Variants in KIF25 observed in about 807,000 individuals in gnomAD.
The protein encoded by KIF25 is kinesin family member 25, also known as kinesin-like protein KIF25.
Under a neutral mutation model 32.9 loss-of-function variants are expected in KIF25, and 19 were observed. The ratio of observed to expected loss-of-function variants is 0.58; its 90% CI spans 0.40 to 0.85. The LOEUF (loss-of-function observed/expected upper bound fraction) is 0.85, where lower values mean the gene tolerates loss of function less well. KIF25 is among the 40% of genes least tolerant of loss of function. The pLI, the probability that KIF25 is intolerant of heterozygous loss-of-function variation, is 0.00. For synonymous variants in KIF25, 225 were observed against 213.7 expected, an observed-to-expected ratio of 1.05 and a Z score of -0.46; for missense variants, 485 against 507.0, an observed-to-expected ratio of 0.96 and a Z score of 0.42.
intron 5 of KIF25, among the ~76,000 whole-genome samples, chr6:168,019,616 C>T (rs186308792): frequency 8.5e-4 from 129 of 152,230 alleles, no homozygotes; most frequent in South Asian, 6.0e-3. Context: ...GCTGGGCTGA[C>T]GCAAGCCCCA....
At chr6:168,038,018 A>G (rs1336771372) in intron 8 of KIF25, among the ~76,000 whole-genome samples, 1 of 152,168 alleles carries the variant, frequency 6.6e-6, no homozygotes, top group African/African-American at 2.4e-5. Flanking sequence ...CTGGCTGTGC[A>G]GCTGCTTTTT....
Position 167,997,779 on chromosome 6 carries a change from G to A in KIF25, c.-1690G>A, listed in dbSNP as rs1045923329. On this transcript the variant is annotated 5_prime_UTR_variant, in exon 1 of 13. It adds an upstream start codon to the 5' untranslated region. Coordinates refer to ENST00000643607, the MANE Select transcript of KIF25 (RefSeq NM_030615.4). ...CGAGGATGCCAAGGTGGATGATTGA[G>A]TGGGTGACCCTCGCTTCTGTGAGGT... is the stretch of plus-strand genomic sequence containing the variant. Among the ~76,000 whole-genome samples, 1 of 152,134 alleles carries A rather than the reference G, an allele frequency of 6.6e-6. No individual in the cohort carries two copies. Among genetic ancestry groups the A allele is most frequent in the African/African-American group, 2.4e-5 (1 of 41,390 alleles).
chr6:168,000,259 C>G (rs921877833), intron 2 of KIF25, among the ~76,000 whole-genome samples: 1 of 130,610 alleles, frequency 7.7e-6, no homozygotes, highest in Non-Finnish European at 1.6e-5. Flanking sequence ...CACGCCTGAC[C>G]TTCTCGCCCT....
intron 5 of KIF25, among the ~76,000 whole-genome samples, chr6:168,022,715 T>C (rs1798803383): frequency 6.6e-6 from 1 of 152,166 alleles, no homozygotes; most frequent in Non-Finnish European, 1.5e-5. Context: ...TTTATAAGTT[T>C]TTACTGCGAA....
At chr6:168,025,833 G>A (rs1250150281) in intron 5 of KIF25, among the ~76,000 whole-genome samples, 1 of 152,226 alleles carries the variant, frequency 6.6e-6, no homozygotes, top group Non-Finnish European at 1.5e-5. Flanking sequence ...TTACACACAG[G>A]CTGTGGGTAT....
intron 2 of KIF25, among the ~76,000 whole-genome samples, chr6:168,002,134 TGAGAAGACACCTGAGGCGTGGCCTC>T (rs1798515185): frequency 2.7e-5 from 1 of 36,684 alleles, no homozygotes; most frequent in African/African-American, 1.3e-4. Context: ...CTCGGGCAGG[TGAGAAGACACCTGAGGCGTGGCCTC>T]GGGCAGGTGA....
intron 6 of KIF25, 197 bp from the exon 7 acceptor site, chr6:168,030,576 A>C (rs1798927014): frequency 7.8e-6 from 3 of 385,972 alleles, no homozygotes; most frequent in Non-Finnish European, 1.4e-5. Flanking sequence ...TTTTCATAGC[A>C]GAAAGTACTA....
At position 168,033,927 on chromosome 6, in the gene KIF25, G is replaced by A; in HGVS notation, c.213G>A (p.Lys71=). The A allele has an allele frequency of 6.2e-7, 1 of 1,614,212 alleles. No homozygotes were observed. Among genetic ancestry groups the A allele is most frequent in the South Asian group, 1.1e-5 (1 of 91,082 alleles). The part of the protein sequence containing the change: ...VMAYGQTGSG[K]SYTMLGRHSD... ...CGTATGGACAGACGGGCAGCGGAAA[G>A]AGCTATACCATGCTGGGACGCCATT... is the stretch of plus-strand genomic sequence containing the variant. Residue 71 remains lysine, a synonymous_variant, in exon 8 of 13, where the codon AAG becomes AAA. Coordinates refer to ENST00000643607, the MANE Select transcript of KIF25 (RefSeq NM_030615.4).
chr6:168,013,593 C>T (rs567721058), intron 4 of KIF25, among the ~76,000 whole-genome samples: 26 of 152,262 alleles, frequency 1.7e-4, no homozygotes, highest in African/African-American at 6.0e-4. Context: ...GGCCATGGAG[C>T]TGTGTCGTGA....
At chr6:168,013,812 C>A (rs1798680030) in intron 4 of KIF25, among the ~76,000 whole-genome samples, 1 of 152,130 alleles carries the variant, frequency 6.6e-6, no homozygotes, top group Non-Finnish European at 1.5e-5. Context: ...CCTTCCTGGA[C>A]TTCCGGTCAA....
chr6:168,006,645 T>G (rs1036057918), intron 4 of KIF25, among the ~76,000 whole-genome samples: 2 of 152,214 alleles, frequency 1.3e-5, no homozygotes, highest in Non-Finnish European at 2.9e-5. Flanking sequence ...ACAAGATGAA[T>G]TTAGAAAGCA....
At chr6:168,001,481 G>A (rs1236874340) in intron 2 of KIF25, among the ~76,000 whole-genome samples, 1 of 152,238 alleles carries the variant, frequency 6.6e-6, no homozygotes, top group Non-Finnish European at 1.5e-5. Flanking sequence ...GCACATACAT[G>A]CAAATGAATG....
rs367585646 is a variant in KIF25 at position 168,045,047 on chromosome 6, T to C, written c.*51T>C. 7 of 1,517,914 alleles carry C rather than the reference T, an allele frequency of 4.6e-6. No individual in the cohort carries two copies. In the Admixed American group the frequency reaches 5.9e-5, roughly 13 times the overall value. The allele number at this position is 1,517,914 out of a possible 1,614,324, so 94.0% of individuals were successfully genotyped here. On this transcript the variant is annotated 3_prime_UTR_variant, in exon 13 of 13. Transcript: ENST00000643607. ...AACTGTGTTTCTTGTCCTTGCTTTATAATGCATATGTGCTTAGAAATAAAC... is the reference window on the plus strand; with the variant it reads ...AACTGTGTTTCTTGTCCTTGCTTTACAATGCATATGTGCTTAGAAATAAAC...
chr6:168,029,009 A>G (rs965385907), intron 5 of KIF25, among the ~76,000 whole-genome samples: 1 of 152,134 alleles, frequency 6.6e-6, no homozygotes, highest in African/African-American at 2.4e-5. Flanking sequence ...TCTCAGATGT[A>G]TGGCCATATT....
chr6:168,016,033 T>G (rs966336232), intron 4 of KIF25, among the ~76,000 whole-genome samples: 1 of 152,116 alleles, frequency 6.6e-6, no homozygotes, highest in Non-Finnish European at 1.5e-5. Flanking sequence ...AGCACTAGGA[T>G]TACATTCTGG....
intron 8 of KIF25, chr6:168,035,843 C>T (rs544566645): frequency 6.8e-6 from 3 of 444,402 alleles, no homozygotes; most frequent in African/African-American, 4.0e-5. Context: ...CCCTACACCT[C>T]ACCTTCGTCG....
intron 4 of KIF25, among the ~76,000 whole-genome samples, chr6:168,015,114 G>C (rs1388327941): frequency 6.6e-6 from 1 of 152,066 alleles, no homozygotes; most frequent in Non-Finnish European, 1.5e-5. Flanking sequence ...TTTTAACGTG[G>C]GTTCGCTGGG....
intron 4 of KIF25, among the ~76,000 whole-genome samples, chr6:168,010,734 G>A (rs1447146452): frequency 6.6e-6 from 1 of 152,088 alleles, no homozygotes; most frequent in East Asian, 1.9e-4. Flanking sequence ...AGTCCTCAGT[G>A]AATATTGTAT....
chr6:168,035,026 T>G (rs1168549699), intron 8 of KIF25, among the ~76,000 whole-genome samples: 1 of 151,876 alleles, frequency 6.6e-6, no homozygotes. Flanking sequence ...AGCAAACTCT[T>G]TAAGTTCCAG....
Sources: gnomAD v4.1 joint callset for allele counts (sites outside exome capture counted in the v4.1 genomes callset) on GRCh38, gnomAD v4.1.1 for gene constraint, MANE v1.5 for transcripts, NCBI Gene and HGNC (gene_info 2026-07-23, HGNC 2026-07-21) for gene names.